VPS37A: variants seen among roughly 807,000 people sequenced by gnomAD.
VPS37A encodes the protein vacuolar protein sorting-associated protein 37A.
VPS37A carries 30 observed loss-of-function variants against 49.8 expected under a neutral mutation model. The ratio of observed to expected loss-of-function variants is 0.60; its 90% CI spans 0.45 to 0.82. The LOEUF (loss-of-function observed/expected upper bound fraction) is 0.82, where lower values mean the gene tolerates loss of function less well. Among genes scored for constraint, VPS37A ranks in the 40% least tolerant of loss-of-function variants. VPS37A has a pLI of 0.00. For missense variants in VPS37A, 593 were observed against 464.4 expected, an observed-to-expected ratio of 1.28 and a Z score of -2.55; for synonymous variants, 195 against 160.6, an observed-to-expected ratio of 1.21 and a Z score of -1.62.
the VPS37A span, chr8:17,313,145 C>A: frequency 2.0e-6 from 1 of 500,918 alleles, no homozygotes; most frequent in South Asian, 4.5e-5. Flanking sequence ...ATATCTTCAG[C>A]GCACAGACTA....
chr8:17,330,010 T>C, the VPS37A span, among the ~76,000 whole-genome samples: 2 of 152,332 alleles, frequency 1.3e-5, no homozygotes, highest in African/African-American at 4.8e-5. Context: ...ATAGAAAGTA[T>C]TGGCCTAATC....
intron 10 of VPS37A, 25 bp from the exon 11 acceptor site, chr8:17,286,322 G>A (rs751998287): frequency 1.5e-5 from 24 of 1,601,098 alleles, no homozygotes; most frequent in South Asian, 8.9e-5. Flanking sequence ...AAAGTGACTG[G>A]TATTTTCAAA....
chr8:17,319,592 G>C, the VPS37A span, among the ~76,000 whole-genome samples: 2 of 152,070 alleles, frequency 1.3e-5, no homozygotes, highest in Non-Finnish European at 2.9e-5. Context: ...TACATACCAG[G>C]TACCAGACAC....
chr8:17,293,298 A>G (rs1037131500), intron 11 of VPS37A, among the ~76,000 whole-genome samples: 1 of 151,788 alleles, frequency 6.6e-6, no homozygotes, highest in Non-Finnish European at 1.5e-5. Flanking sequence ...TTTCAGTTCC[A>G]TCAGGTAGGT....
chr8:17,302,039 A>G (rs1358360356), downstream of VPS37A: 37 of 1,391,184 alleles, frequency 2.7e-5, no homozygotes, highest in South Asian at 3.6e-4. Flanking sequence ...CAGGTGTTCT[A>G]CTGACTAAAA....
chr8:17,327,100 T>A, the VPS37A span, among the ~76,000 whole-genome samples: 1 of 152,320 alleles, frequency 6.6e-6, no homozygotes, highest in East Asian at 1.9e-4. Flanking sequence ...TTATACATAT[T>A]CTCCCATGTT....
intron 11 of VPS37A, among the ~76,000 whole-genome samples, chr8:17,293,114 C>G (rs566356585): frequency 4.0e-4 from 61 of 152,246 alleles, no homozygotes; most frequent in African/African-American, 1.4e-3. Context: ...TGTCTTTTCA[C>G]ATAGTCCCAT....
At chr8:17,323,799 C>G in the VPS37A span, among the ~76,000 whole-genome samples, 2 of 152,270 alleles carry the variant, frequency 1.3e-5, no homozygotes, top group East Asian at 3.9e-4. Context: ...CCTTTTATCA[C>G]TAACATTAGC....
intron 2 of VPS37A, among the ~76,000 whole-genome samples, chr8:17,267,274 G>A (rs1008531590): frequency 6.6e-6 from 1 of 152,140 alleles, no homozygotes; most frequent in African/African-American, 2.4e-5. Context: ...CAAGGACCCA[G>A]TTTTCTTTTC....
At chr8:17,257,824 G>A (rs1003372385) in intron 1 of VPS37A, among the ~76,000 whole-genome samples, 1 of 151,972 alleles carries the variant, frequency 6.6e-6, no homozygotes, top group Non-Finnish European at 1.5e-5. Context: ...TTTCATCAGT[G>A]TTCTATAGTT....
intron 1 of VPS37A, among the ~76,000 whole-genome samples, chr8:17,255,657 C>CTT (rs1812382185): frequency 6.6e-6 from 1 of 152,222 alleles, no homozygotes; most frequent in South Asian, 2.1e-4. Flanking sequence ...GGTCTTATTT[C>CTT]TTTTATCAAC....
rs553134782 is a variant in VPS37A at position 17,284,436 on chromosome 8, A to T, written c.970-37A>T. 58 of 1,542,336 alleles carry T rather than the reference A, an allele frequency of 3.8e-5. 1 individual carries two copies. In the South Asian group the frequency reaches 6.7e-4, roughly 18 times the overall value. On this transcript the variant is annotated intron_variant, in intron 9 of 11. Transcript: ENST00000324849. ...TTCCCTGTGAGGAGTTCTTGTGAGT[A>T]TCATAAATTAAAGTAGTGCCTGATT...
At chr8:17,298,679 C>T (rs1310023230), downstream of VPS37A, 1 of 152,346 alleles carries the variant, frequency 6.6e-6, no homozygotes, top group Non-Finnish European at 1.5e-5. Context: ...ATATTAAAAC[C>T]ATACAGTGTG....
chr8:17,276,527 T>G, intron 6 of VPS37A, 60 bp downstream of exon 6: 4 of 1,471,362 alleles, frequency 2.7e-6, no homozygotes, highest in East Asian at 2.3e-5. Flanking sequence ...ATAAACCAGA[T>G]TATTATTTCA....
At chr8:17,300,098 T>C, downstream of VPS37A, 1 of 1,614,164 alleles carries the variant, frequency 6.2e-7, no homozygotes, top group Non-Finnish European at 8.5e-7. Context: ...ATATTCCCAC[T>C]GTAATCCTGG....
Position 17,268,411 on chromosome 8 carries a change from A to G in VPS37A, c.315+39A>G, listed in dbSNP as rs1267391579. ...ATAATTTATTTCAGGGTAATATAAT[A>G]GGTGTATTACTTTTCTACTAAATAT... is the stretch of plus-strand genomic sequence containing the variant. On this transcript the variant is annotated intron_variant, in intron 3 of 11. Coordinates refer to ENST00000324849, the MANE Select transcript of VPS37A (RefSeq NM_152415.3). 5.1e-6 allele frequency: 7 copies of G among 1,373,018 alleles called. 1 individual carries two copies. The highest frequency in any genetic ancestry group is 2.3e-5 in the East Asian group (1 of 43,370). 85.1% of individuals were successfully genotyped at this position (1,373,018 alleles called of 1,614,324 possible).
the VPS37A span, among the ~76,000 whole-genome samples, chr8:17,310,145 G>C: frequency 6.6e-6 from 1 of 151,936 alleles, no homozygotes; most frequent in East Asian, 1.9e-4. Context: ...CCACAGGTGG[G>C]CTCCACCACA....
At chr8:17,292,707 C>T (rs1207565179) in intron 11 of VPS37A, among the ~76,000 whole-genome samples, 9 of 152,136 alleles carry the variant, frequency 5.9e-5, no homozygotes. Context: ...TTTATTTCTC[C>T]TCCACTTATG....
intron 9 of VPS37A, among the ~76,000 whole-genome samples, chr8:17,283,498 G>A (rs977671805): frequency 7.2e-5 from 11 of 152,262 alleles, no homozygotes; most frequent in Non-Finnish European, 1.5e-4. Context: ...CTAGATTTAG[G>A]TCTTTGATCC....
Sources: allele counts gnomAD v4.1 joint callset (sites outside exome capture counted in the v4.1 genomes callset), GRCh38; gene constraint gnomAD v4.1.1; transcripts MANE v1.5; gene names NCBI Gene and HGNC (gene_info 2026-07-23, HGNC 2026-07-21).